The following MTERF4 variants were observed in gnomAD, a reference collection of about 807,000 sequenced individuals.
MTERF4 encodes the protein transcription termination factor 4, mitochondrial.
A neutral mutation model predicts 22.5 loss-of-function variants in MTERF4; 17 were observed. That is an observed-to-expected ratio of 0.75 (90% CI 0.52 to 1.13). The LOEUF (loss-of-function observed/expected upper bound fraction) is 1.13, where lower values mean the gene tolerates loss of function less well. MTERF4 is among the 50% of genes most tolerant of loss of function. MTERF4 has a pLI of 0.00. For missense variants in MTERF4, 420 were observed against 466.8 expected (o/e 0.90, Z 0.92); for synonymous variants, 165 against 175.3 (o/e 0.94, Z 0.47).
At chr2:241,060,755 C>T in the MTERF4 span, among the ~76,000 whole-genome samples, 1 of 151,986 alleles carries the variant, frequency 6.6e-6, no homozygotes, top group South Asian at 2.1e-4. Flanking sequence ...ATAGAGAGAC[C>T]CCCAACTCTA....
the MTERF4 span, among the ~76,000 whole-genome samples, chr2:241,065,859 T>C: frequency 6.8e-6 from 1 of 146,644 alleles, no homozygotes; most frequent in Admixed American, 6.9e-5. Context: ...CCCCCAGGCA[T>C]GGAGCTAGGA....
rs755085174 is a variant in MTERF4 at position 241,073,346 on chromosome 2, G to A, written n.2816C>T. The A allele has an allele frequency of 3.2e-5, 51 of 1,572,556 alleles. No homozygotes were observed. The highest frequency in any genetic ancestry group is 4.7e-5 in the South Asian group (4 of 85,266). ...CCTGGCCCTCCAGCTCCCTGAACAC[G>A]GCAGCAAGGACATCGGAAGTGAGTC... On this transcript the variant is annotated non_coding_transcript_exon_variant, in exon 5 of 5. Coordinates refer to the MTERF4 transcript ENST00000464344. The surrounding 1 kb of genome is among the most constrained non-coding windows in gnomAD (Gnocchi z 6.6).
intron 1 of MTERF4, chr2:241,101,367 C>T (rs1434858262): frequency 3.1e-6 from 1 of 323,986 alleles, no homozygotes; most frequent in Non-Finnish European, 6.6e-6. Context: ...AGGCGGAGCT[C>T]AGGCGGTAAT....
At chr2:241,062,616 C>T in the MTERF4 span, among the ~76,000 whole-genome samples, 2 of 152,190 alleles carry the variant, frequency 1.3e-5, no homozygotes, top group Non-Finnish European at 2.9e-5. Context: ...GGCACTGAGC[C>T]CCAGGCCCAC....
the MTERF4 span, chr2:241,052,448 T>C: frequency 3.7e-6 from 6 of 1,610,052 alleles, no homozygotes; most frequent in African/African-American, 1.3e-5. Context: ...GCAGGGTACA[T>C]GGGACGCCGG....
intron 1 of MTERF4, among the ~76,000 whole-genome samples, chr2:241,101,397 GTAAA>G (rs2064701693): frequency 6.6e-6 from 1 of 152,256 alleles, no homozygotes; most frequent in South Asian, 2.1e-4. Flanking sequence ...GGGAGCGGCT[GTAAA>G]TACAGTCTGG....
At chr2:241,084,149 T>C (rs1467224896), downstream of MTERF4, among the ~76,000 whole-genome samples, 1 of 151,134 alleles carries the variant, frequency 6.6e-6, no homozygotes, top group East Asian at 1.9e-4. Context: ...TTTTTTTTTT[T>C]TTTTGAGACA....
At chr2:241,100,474 G>GT (rs1179842079) in intron 1 of MTERF4, among the ~76,000 whole-genome samples, 1 of 151,830 alleles carries the variant, frequency 6.6e-6, no homozygotes, top group East Asian at 1.9e-4. Context: ...TTTTCTTTTT[G>GT]TTTTTTGAGA....
At chr2:241,093,168 C>A (rs1229004626), downstream of MTERF4, 2 of 152,582 alleles carry the variant, frequency 1.3e-5, no homozygotes, top group Non-Finnish European at 2.9e-5. Flanking sequence ...AGGCTCCAGA[C>A]CCACTTGAGA....
chr2:241,058,943 CTG>C, the MTERF4 span, among the ~76,000 whole-genome samples: 23 of 150,470 alleles, frequency 1.5e-4, no homozygotes, highest in Non-Finnish European at 4.4e-5. Flanking sequence ...CAGCAAGACT[CTG>C]TTTCAAAAAA....
downstream of MTERF4, chr2:241,067,665 GC>G (rs535052614): frequency 3.3e-4 from 318 of 962,040 alleles, 2 homozygotes; most frequent in African/African-American, 4.4e-3. Context: ...CCTCTCTGTG[GC>G]CCCCAGCACC....
At chr2:241,056,722 A>G in the MTERF4 span, among the ~76,000 whole-genome samples, 1 of 151,708 alleles carries the variant, frequency 6.6e-6, no homozygotes, top group Non-Finnish European at 1.5e-5. Context: ...CTGGGACTAC[A>G]GGCGCCCATC....
the MTERF4 span, chr2:241,063,484 G>A: frequency 2.5e-6 from 2 of 785,260 alleles, no homozygotes; most frequent in South Asian, 2.9e-5. Context: ...CTCCCAGCTG[G>A]GAAAGGGGTA....
chr2:241,050,816 C>T, the MTERF4 span, among the ~76,000 whole-genome samples: 1 of 148,766 alleles, frequency 6.7e-6, no homozygotes, highest in African/African-American at 2.6e-5. Context: ...GGTATGAAGT[C>T]CACTGTACCC....
At chr2:241,064,635 C>T in the MTERF4 span, among the ~76,000 whole-genome samples, 2,293 of 152,334 alleles carry the variant, frequency 0.015, 165 homozygotes, top group Admixed American at 0.11. The surrounding 1 kb of genome is among the most constrained non-coding windows in gnomAD (Gnocchi z 7.0). Flanking sequence ...CGGCTGGTGG[C>T]ACTCCGCTGT....
downstream of MTERF4, chr2:241,088,825 CTCCAGGAG>C (rs778062998): frequency 8.9e-6 from 2 of 225,090 alleles, no homozygotes; most frequent in Non-Finnish European, 1.7e-5. Flanking sequence ...ATTCCGGGGG[CTCCAGGAG>C]AGGGCTGAGA....
At chr2:241,071,718 C>CCCCCGGAA, downstream of MTERF4, 4 of 1,503,658 alleles carry the variant, frequency 2.7e-6, no homozygotes, top group Non-Finnish European at 3.6e-6. Context: ...CCCAGCCCCC[C>CCCCCGGAA]AGGTACATGC....
At chr2:241,097,092 T>A (rs962888493) in intron 3 of MTERF4, 151 bp downstream of exon 3, 26 of 861,948 alleles carry the variant, frequency 3.0e-5, no homozygotes, top group Admixed American at 3.0e-4. Flanking sequence ...CTTATCCATA[T>A]AACTGACCTT....
Position 241,099,378 on chromosome 2 carries a change from A to G in MTERF4, c.520+18T>C. The G allele has an allele frequency of 6.2e-7, 1 of 1,603,272 alleles. No individual in the cohort carries two copies. The highest frequency in any genetic ancestry group is 8.5e-7 in the Non-Finnish European group (1 of 1,173,810). ...GCATGAGCCACCGCACCCAGCCAAA[A>G]TCTGCAACTTCTTGTACCTTCTCCA... On this transcript the variant is annotated intron_variant, in intron 2 of 3. Transcript: ENST00000391980.
Sources: gnomAD v4.1 joint callset for allele counts (sites outside exome capture counted in the v4.1 genomes callset) on GRCh38, gnomAD v4.1.1 for gene constraint, Gnocchi (gnomAD v3.1) non-coding constraint, MANE v1.5 for transcripts, NCBI Gene and HGNC (gene_info 2026-07-23, HGNC 2026-07-21) for gene names.